The following NRG2 variants were observed in gnomAD, a reference collection of about 807,000 sequenced individuals.
NRG2 encodes the protein pro-neuregulin-2, membrane-bound isoform.
Under a neutral mutation model 73.9 loss-of-function variants are expected in NRG2, and 27 were observed. The observed-to-expected ratio is 0.37, with a 90% confidence interval of 0.27 to 0.50. The LOEUF is 0.50. Ranked by LOEUF, NRG2 falls within the 20% of genes least tolerant of loss-of-function variation. NRG2 has a pLI of 0.96. For synonymous variants in NRG2, 532 were observed against 541.0 expected, an observed-to-expected ratio of 0.98 and a Z score of 0.23; for missense variants, 1,126 against 1,210.1, an observed-to-expected ratio of 0.93 and a Z score of 1.03.
At chr5:139,982,048 G>C (rs1162338210) in intron 1 of NRG2, among the ~76,000 whole-genome samples, 6 of 152,180 alleles carry the variant, frequency 3.9e-5, no homozygotes, top group Non-Finnish European at 8.8e-5. Context: ...GACCTTACAT[G>C]GTTCAGGGGT....
intron 1 of NRG2, among the ~76,000 whole-genome samples, chr5:139,922,311 A>G (rs892446182): frequency 1.3e-5 from 2 of 152,218 alleles, no homozygotes; most frequent in Non-Finnish European, 2.9e-5. Flanking sequence ...TGCCTTACCA[A>G]AGAAAATATA....
rs1473938250 is a variant in NRG2, at chr5:140,042,910, T to C, written c.160A>G (p.Ser54Gly). The C allele has an allele frequency of 8.5e-6, 13 of 1,537,632 alleles. No individual in the cohort carries two copies. The highest frequency in any genetic ancestry group is 1.2e-5 in the South Asian group (1 of 83,834). Residue 54 changes from serine to glycine, a missense_variant, in exon 1 of 10, where the codon AGC (serine) becomes GGC (glycine). Around this residue, in one of 3 missense-constraint regions of NRG2, gnomAD observed 185 missense variants for 149.0 expected, o/e 1.24. Transcript: ENST00000361474. ...GGCGCAGCGGGACGAGAGATGCTGC[T>C]GTTGTTGCTGCTGCTCCTGCTGCTG... The part of the protein sequence containing the change: ...GSSSRSSSNN[S>G]SISRPAAPPE...
chr5:139,930,346 CTAT>C (rs1752384066), intron 1 of NRG2, among the ~76,000 whole-genome samples: 1 of 152,208 alleles, frequency 6.6e-6, no homozygotes, highest in Non-Finnish European at 1.5e-5. Context: ...ATGATCATGT[CTAT>C]AAGGCACGGA....
chr5:140,017,060 C>T (rs765872586), intron 1 of NRG2, among the ~76,000 whole-genome samples: 2 of 152,046 alleles, frequency 1.3e-5, no homozygotes, highest in Non-Finnish European at 2.9e-5. Context: ...CCAAGAGCCA[C>T]AAGTCAATAT....
intron 5 of NRG2, chr5:139,859,943 G>A: frequency 1.2e-6 from 2 of 1,611,356 alleles, no homozygotes; most frequent in South Asian, 1.1e-5. Context: ...GGGTCACAAA[G>A]GGAGGGGTGG....
intron 1 of NRG2, among the ~76,000 whole-genome samples, chr5:139,901,457 C>A (rs1764885562): frequency 6.6e-6 from 1 of 152,150 alleles, no homozygotes; most frequent in Admixed American, 6.5e-5. Flanking sequence ...CCAGAAGCAA[C>A]CCCCAGATGT....
chr5:139,848,331 G>C lies in NRG2; in HGVS notation c.2139C>G (p.Tyr713Ter). Residue 713 changes from tyrosine (Y) to a stop codon, truncating the protein, a stop_gained, in exon 10 of 10, where the codon TAC becomes TAG. Coordinates refer to ENST00000361474, the MANE Select transcript of NRG2 (RefSeq NM_004883.3). LOFTEE classifies it high-confidence loss of function. ...GGGGCGCGCACTCCTGCGTGGTCTC[G>C]TACTCGTCGTCCTCGGGGATGCGGA... ...SPFRIPEDDE[Y>*]ETTQECAPPP... is the part of the protein sequence containing the mutation. 8.3e-7 allele frequency: 1 copy of C among 1,208,494 alleles called. No homozygotes were observed. Among genetic ancestry groups the C allele is most frequent in the Non-Finnish European group, 1.0e-6 (1 of 975,356 alleles). The allele number at this position is 1,208,494 out of a possible 1,614,324, so 74.9% of individuals were successfully genotyped here.
At chr5:140,034,729 G>C (rs1334086566) in intron 1 of NRG2, among the ~76,000 whole-genome samples, 1 of 151,882 alleles carries the variant, frequency 6.6e-6, no homozygotes, top group Non-Finnish European at 1.5e-5. Flanking sequence ...GAAATTAAAT[G>C]AATAATACCA....
chr5:139,987,172 G>T (rs1219202055), intron 1 of NRG2, among the ~76,000 whole-genome samples: 4 of 151,686 alleles, frequency 2.6e-5, no homozygotes, highest in Non-Finnish European at 4.4e-5. Flanking sequence ...AGGAGTTCAA[G>T]GCCAGCCTGG....
intron 1 of NRG2, among the ~76,000 whole-genome samples, chr5:139,911,789 G>A (rs191100319): frequency 6.6e-6 from 1 of 152,190 alleles, no homozygotes; most frequent in Admixed American, 6.5e-5. Context: ...CAACCCTTCT[G>A]CCTGCCCCCC....
chr5:140,020,392 G>A (rs1268747579), intron 1 of NRG2, among the ~76,000 whole-genome samples: 1 of 152,156 alleles, frequency 6.6e-6, no homozygotes, highest in African/African-American at 2.4e-5. Context: ...AGAGGTATGA[G>A]ACCCAGCTCC....
At chr5:140,007,526 G>A (rs776982718) in intron 1 of NRG2, among the ~76,000 whole-genome samples, 10 of 152,050 alleles carry the variant, frequency 6.6e-5, no homozygotes, top group Non-Finnish European at 1.3e-4. Context: ...AGTGTGTACC[G>A]ACAGGCAACA....
intron 5 of NRG2, chr5:139,861,685 G>C: frequency 2.0e-6 from 1 of 508,158 alleles, no homozygotes. Flanking sequence ...CGTAAGTACA[G>C]TTTGTCCACT....
chr5:139,905,378 T>A (rs757544305), intron 1 of NRG2, among the ~76,000 whole-genome samples: 2 of 152,222 alleles, frequency 1.3e-5, no homozygotes, highest in Non-Finnish European at 2.9e-5. Flanking sequence ...TAGCTCTGCC[T>A]GAGGTGTCCC....
intron 1 of NRG2, among the ~76,000 whole-genome samples, chr5:139,901,599 G>A (rs1764894886): frequency 6.6e-6 from 1 of 152,200 alleles, no homozygotes; most frequent in Non-Finnish European, 1.5e-5. Context: ...GGGAAAGAAA[G>A]GCTTTGCAAA....
chr5:139,970,545 C>T (rs1207046223), intron 1 of NRG2, among the ~76,000 whole-genome samples: 7 of 152,224 alleles, frequency 4.6e-5, no homozygotes, highest in Non-Finnish European at 8.8e-5. Flanking sequence ...CCCTCTGTGT[C>T]CACCACTCCC....
At chr5:140,007,737 C>T (rs1759022939) in intron 1 of NRG2, among the ~76,000 whole-genome samples, 1 of 152,230 alleles carries the variant, frequency 6.6e-6, no homozygotes, top group Non-Finnish European at 1.5e-5. Context: ...AAGAGGGTCA[C>T]TTGCTTGGAC....
At chr5:139,890,214 T>C (rs890728429) in intron 1 of NRG2, among the ~76,000 whole-genome samples, 2 of 152,112 alleles carry the variant, frequency 1.3e-5, no homozygotes, top group African/African-American at 4.8e-5. Context: ...TTAATTTGCA[T>C]TTATTTGATT....
Position 139,853,217 on chromosome 5 carries a change from A to G in NRG2, c.1293-190T>C, listed in dbSNP as rs1350340798. ...TCCAATAGGACCTGAGCGTCGTGGCAGTGAGCTCTGGCTCTGCCCAGAGAG... is the reference window on the plus strand; with the variant it reads ...TCCAATAGGACCTGAGCGTCGTGGCGGTGAGCTCTGGCTCTGCCCAGAGAG... On this transcript the variant is annotated intron_variant, in intron 6 of 9. Coordinates refer to ENST00000361474, the MANE Select transcript of NRG2 (RefSeq NM_004883.3). This position sits in a 1 kb window ranked among gnomAD's most constrained non-coding sequence, Gnocchi z 4.1. Among the ~76,000 whole-genome samples the G allele has an allele frequency of 6.6e-6, 1 of 151,268 alleles. No homozygotes were observed. Among genetic ancestry groups the G allele is most frequent in the Admixed American group, 6.6e-5 (1 of 15,204 alleles).
Sources: gnomAD v4.1 joint callset for allele counts (sites outside exome capture counted in the v4.1 genomes callset) on GRCh38, gnomAD v4.1.1 for gene constraint, gnomAD v4.1.1 regional missense constraint, Gnocchi (gnomAD v3.1) non-coding constraint, MANE v1.5 for transcripts, NCBI Gene and HGNC (gene_info 2026-07-23, HGNC 2026-07-21) for gene names.